Variants in ZSCAN1 observed in about 807,000 individuals in gnomAD.
ZSCAN1 encodes zinc finger and SCAN domain-containing protein 1.
In ZSCAN1, 23 loss-of-function variants were observed where a neutral mutation model predicts 23.8. That is an observed-to-expected ratio of 0.97 (90% CI 0.70 to 1.37). ZSCAN1 has a LOEUF of 1.37. Among genes scored for constraint, ZSCAN1 ranks in the 40% most tolerant of loss-of-function variants. ZSCAN1 has a pLI of 0.00. For missense variants in ZSCAN1, 575 were observed against 554.0 expected, an observed-to-expected ratio of 1.04 and a Z score of -0.38; for synonymous variants, 236 against 232.3, an observed-to-expected ratio of 1.02 and a Z score of -0.15.
chr19:58,039,245 G>A (rs2073766292), intron 3 of ZSCAN1, among the ~76,000 whole-genome samples: 1 of 152,202 alleles, frequency 6.6e-6, no homozygotes, highest in Non-Finnish European at 1.5e-5. Context: ...CTCTGATCCT[G>A]GGGTAGAGGG....
At chr19:58,042,714 C>A (rs2073798773) in intron 4 of ZSCAN1, among the ~76,000 whole-genome samples, 1 of 152,168 alleles carries the variant, frequency 6.6e-6, no homozygotes, top group Admixed American at 6.5e-5. Context: ...TTATCTGACT[C>A]CCTCTCCCAT....
Position 58,053,558 on chromosome 19 carries a change from G to C in ZSCAN1, c.734G>C (p.Arg245Thr). 2 of 1,614,196 alleles carry C rather than the reference G, an allele frequency of 1.2e-6. No homozygotes were observed. The highest frequency in any genetic ancestry group is 8.5e-7 in the Non-Finnish European group (1 of 1,180,042). Reference protein sequence around the residue: ...ISSPKGPSAQRISPRRRNRNT... With the variant: ...ISSPKGPSAQTISPRRRNRNT... Reference sequence around the variant, plus strand: ...AGCCCCAAGGGTCCAAGTGCTCAGAGAATCAGTCCCCGAAGGAGAAACAGG... The same window carrying C: ...AGCCCCAAGGGTCCAAGTGCTCAGACAATCAGTCCCCGAAGGAGAAACAGG... Residue 245 changes from arginine to threonine, a missense_variant, in exon 6 of 6, where the codon AGA (arginine) becomes ACA (threonine). Coordinates refer to ENST00000282326, the MANE Select transcript of ZSCAN1 (RefSeq NM_182572.4). This position sits in a 1 kb window ranked among gnomAD's most constrained non-coding sequence, Gnocchi z 5.8.
chr19:58,034,519 G>T (rs989052301), intron 1 of ZSCAN1, among the ~76,000 whole-genome samples: 3 of 151,636 alleles, frequency 2.0e-5, no homozygotes, highest in Non-Finnish European at 4.4e-5. Context: ...CCCAAACACC[G>T]CTCGGCCGCG....
Position 58,049,382 on chromosome 19 carries a change from C to T in ZSCAN1, c.466-3108C>T, listed in dbSNP as rs12609052. On this transcript the variant is annotated intron_variant, in intron 4 of 5. Transcript: ENST00000282326. This position sits in a 1 kb window ranked among gnomAD's most constrained non-coding sequence, Gnocchi z 4.5. ...TTGCTTGTAACACTGTACCATCATCCGGCAGATCTTGGATCCCTCTGCGAT... is the reference window on the plus strand; with the variant it reads ...TTGCTTGTAACACTGTACCATCATCTGGCAGATCTTGGATCCCTCTGCGAT... 2,209 of 152,376 alleles carry T rather than the reference C, an allele frequency of 0.014. 38 individuals are homozygous for T. The highest frequency in any genetic ancestry group is 0.032 in the African/African-American group (1,343 of 41,548). The allele number at this position is 152,376 out of a possible 1,614,324, so 9.4% of individuals were successfully genotyped here.
At chr19:58,054,976 T>G (rs905580748), downstream of ZSCAN1, among the ~76,000 whole-genome samples, 1 of 152,148 alleles carries the variant, frequency 6.6e-6, no homozygotes, top group Non-Finnish European at 1.5e-5. The surrounding 1 kb of genome is among the most constrained non-coding windows in gnomAD (Gnocchi z 4.2). Flanking sequence ...GAGCAGAGTG[T>G]GGGCAGGCGG....
intron 4 of ZSCAN1, 92 bp from the exon 5 acceptor site, chr19:58,052,398 G>C (rs761066146): frequency 6.3e-7 from 1 of 1,589,350 alleles, no homozygotes; most frequent in Non-Finnish European, 8.6e-7. Context: ...AGAGCCTTTG[G>C]GGATGACGCC....
intron 4 of ZSCAN1, chr19:58,044,660 GC>G: frequency 1.1e-6 from 1 of 871,156 alleles, no homozygotes; most frequent in Non-Finnish European, 1.9e-6. Flanking sequence ...TCGGGTCACC[GC>G]CCCGCGGGGT....
intron 5 of ZSCAN1, 60 bp downstream of exon 5, chr19:58,052,688 A>C: frequency 6.6e-7 from 1 of 1,522,290 alleles, no homozygotes; most frequent in South Asian, 1.3e-5. Flanking sequence ...TTCAACCCAA[A>C]GCCACAGACT....
intron 1 of ZSCAN1, among the ~76,000 whole-genome samples, chr19:58,035,005 C>T (rs752701948): frequency 5.9e-5 from 9 of 151,926 alleles, no homozygotes; most frequent in Admixed American, 2.0e-4. Context: ...CTGCCCATCC[C>T]CGCAATAGAA....
At chr19:58,043,681 ACTCT>A (rs2073805174) in intron 4 of ZSCAN1, among the ~76,000 whole-genome samples, 3 of 151,022 alleles carry the variant, frequency 2.0e-5, no homozygotes, top group African/African-American at 7.3e-5. Flanking sequence ...ACTGACTCTC[ACTCT>A]GTCACCCAGG....
rs760086635 is a variant in ZSCAN1 at position 58,038,314 on chromosome 19, C to T, written c.370+108C>T. The T allele has an allele frequency of 2.1e-6, 3 of 1,427,644 alleles. 1 individual carries two copies. Among genetic ancestry groups the T allele is most frequent in the Non-Finnish European group, 9.4e-7 (1 of 1,067,414 alleles). 88.4% of individuals were successfully genotyped at this position (1,427,644 alleles called of 1,614,324 possible). ...CATCGCTCCCACCCCTGCCCGGCCC[C>T]TCCCGACCAGCAAACCTCTCCTGCC... On this transcript the variant is annotated intron_variant, in intron 3 of 5. Transcript: ENST00000282326.
At chr19:58,041,082 G>C (rs2073785701) in intron 4 of ZSCAN1, among the ~76,000 whole-genome samples, 3 of 152,222 alleles carry the variant, frequency 2.0e-5, no homozygotes, top group Non-Finnish European at 2.9e-5. Flanking sequence ...AGAAATCCAG[G>C]GGTAATGGGT....
chr19:58,052,941 T>A (rs1479224980), intron 5 of ZSCAN1, among the ~76,000 whole-genome samples: 1 of 147,444 alleles, frequency 6.8e-6, no homozygotes, highest in Non-Finnish European at 1.5e-5. Flanking sequence ...TGCTGTGGGA[T>A]CTGCTCCCAA....
chr19:58,038,245 G>T (rs779801425), intron 3 of ZSCAN1, 39 bp downstream of exon 3: 5 of 1,568,690 alleles, frequency 3.2e-6, no homozygotes, highest in Non-Finnish European at 3.4e-6. Flanking sequence ...CCGGGCCAGG[G>T]GGCCTGACGT....
intron 4 of ZSCAN1, among the ~76,000 whole-genome samples, chr19:58,048,384 A>G (rs2073839070): frequency 6.6e-6 from 1 of 152,262 alleles, no homozygotes; most frequent in Admixed American, 6.5e-5. Context: ...CCAAGTTTTC[A>G]TCTGTAATCC....
In ZSCAN1 at chr19:58,044,859, CTCTG is replaced by C. The variant is rs1599904655; in HGVS notation, c.465+4317_465+4320del. The C allele has an allele frequency of 1.9e-5, 15 of 771,294 alleles. 1 individual carries two copies. In the East Asian group the frequency reaches 3.9e-4, roughly 20 times the overall value. 47.8% of individuals were successfully genotyped at this position (771,294 alleles called of 1,614,324 possible). On this transcript the variant is annotated intron_variant, in intron 4 of 5. Coordinates refer to ENST00000282326, the MANE Select transcript of ZSCAN1 (RefSeq NM_182572.4). ...TGTCGAGAGCGCCATGGACCTCCAC[CTCTG>C]TGGGTTTTGTGGTCCTGGGGCCTCG...
At chr19:58,041,660 C>T (rs1054338973) in intron 4 of ZSCAN1, among the ~76,000 whole-genome samples, 4 of 151,826 alleles carry the variant, frequency 2.6e-5, no homozygotes, top group Admixed American at 6.6e-5. Context: ...GGTGGGAGGA[C>T]CACTTGGTCC....
chr19:58,034,791 G>A (rs2073722707), intron 1 of ZSCAN1, among the ~76,000 whole-genome samples: 1 of 135,274 alleles, frequency 7.4e-6, no homozygotes, highest in South Asian at 2.6e-4. Flanking sequence ...AGCCGTCGTC[G>A]CTGCCCCTCC....
intron 3 of ZSCAN1, chr19:58,038,542 T>G (rs1215657823): frequency 1.8e-6 from 1 of 550,170 alleles, no homozygotes; most frequent in Non-Finnish European, 3.2e-6. Flanking sequence ...CTGCAGCGCC[T>G]CCTGCAACAC....
Sources: allele counts gnomAD v4.1 joint callset (sites outside exome capture counted in the v4.1 genomes callset), GRCh38; gene constraint gnomAD v4.1.1; non-coding constraint Gnocchi (gnomAD v3.1); transcripts MANE v1.5; gene names NCBI Gene and HGNC (gene_info 2026-07-23, HGNC 2026-07-21).